The following WNT8B variants were observed in gnomAD, a reference collection of about 807,000 sequenced individuals.
WNT8B encodes the protein protein Wnt-8b.
In WNT8B, 24 loss-of-function variants were observed where a neutral mutation model predicts 36.6. The observed-to-expected ratio is 0.66, with a 90% CI of 0.48 to 0.92. The LOEUF is 0.92. WNT8B is among the 40% of genes least tolerant of loss of function. WNT8B has a pLI of 0.00. For synonymous variants in WNT8B, 199 were observed against 189.8 expected (o/e 1.05, Z -0.40); for missense variants, 402 against 470.8 (o/e 0.85, Z 1.35).
intron 1 of WNT8B, among the ~76,000 whole-genome samples, chr10:100,474,387 G>T (rs1281996291): frequency 6.6e-6 from 1 of 152,098 alleles, no homozygotes; most frequent in Non-Finnish European, 1.5e-5. Context: ...TCACATAACT[G>T]CCACATAGAG....
chr10:100,482,272 C>A lies in WNT8B; in HGVS notation c.512C>A (p.Ala171Glu), dbSNP rs1851123381. The A allele has an allele frequency of 6.3e-7, 1 of 1,580,930 alleles. No individual in the cohort carries two copies. The highest frequency in any genetic ancestry group is 8.6e-7 in the Non-Finnish European group (1 of 1,168,154). The change falls in exon 6 of 6, where the codon GCG becomes GAG. Residue 171 changes from alanine (A) to glutamate (E), a missense_variant and splice_region_variant. This residue lies in a region of WNT8B where 256 missense variants were observed against 278.6 expected (regional missense o/e 0.92). Coordinates refer to ENST00000343737, the MANE Select transcript of WNT8B (RefSeq NM_003393.4). The surrounding 1 kb of genome is among the most constrained non-coding windows in gnomAD (Gnocchi z 6.6). ...NLHNNEAGRKAVKGTMKRTCK... is the reference protein window; with the variant it reads ...NLHNNEAGRKEVKGTMKRTCK... Reference sequence around the variant, plus strand: ...TCTCACTCCTAGCTCTCTCCCCAGGCGGTGAAGGGCACCATGAAACGCACG... The same window carrying A: ...TCTCACTCCTAGCTCTCTCCCCAGGAGGTGAAGGGCACCATGAAACGCACG...
At chr10:100,473,640 T>C (rs1851002910) in intron 1 of WNT8B, among the ~76,000 whole-genome samples, 1 of 152,144 alleles carries the variant, frequency 6.6e-6, no homozygotes. Flanking sequence ...AAATATTCTA[T>C]TATGGGTTGG....
At chr10:100,478,203 A>G (rs778336725) in intron 1 of WNT8B, among the ~76,000 whole-genome samples, 11 of 152,224 alleles carry the variant, frequency 7.2e-5, no homozygotes, top group Non-Finnish European at 1.2e-4. Context: ...CCTCTTCCTA[A>G]TTAGAGAAGT....
At chr10:100,478,789 G>A (rs771320649) in intron 1 of WNT8B, among the ~76,000 whole-genome samples, 1 of 151,922 alleles carries the variant, frequency 6.6e-6, no homozygotes, top group African/African-American at 2.4e-5. Context: ...ACTATGTTTG[G>A]CCATGCTGGT....
intron 1 of WNT8B, among the ~76,000 whole-genome samples, chr10:100,471,124 C>G (rs1459678408): frequency 6.6e-6 from 1 of 152,216 alleles, no homozygotes; most frequent in Non-Finnish European, 1.5e-5. Context: ...GCTGTATAGG[C>G]TGGTAGCCTA....
At chr10:100,471,890 A>G (rs1260798746) in intron 1 of WNT8B, among the ~76,000 whole-genome samples, 1 of 152,138 alleles carries the variant, frequency 6.6e-6, no homozygotes, top group Non-Finnish European at 1.5e-5. Flanking sequence ...CCCTGTCTCT[A>G]CAAAAAATAC....
rs759086301 is a variant in WNT8B, at chr10:100,463,192, G to A, written c.24G>A (p.Val8=). 2 of 1,613,918 alleles carry A rather than the reference G, an allele frequency of 1.2e-6. No homozygotes were observed. Among genetic ancestry groups the A allele is most frequent in the South Asian group, 1.1e-5 (1 of 91,060 alleles). Residue 8 remains valine, a synonymous_variant, in exon 1 of 6, where the codon GTG becomes GTA. Transcript: ENST00000343737. The part of the protein sequence containing the change: MFLSKPS[V]YICLFTCVLQ... The stretch of plus-strand genomic sequence containing the variant: ...TTATGTTTCTTTCAAAGCCTTCTGT[G>A]TACATCTGTCTTTTCACCTGTGTCC...
At chr10:100,481,871 C>T in intron 4 of WNT8B, 41 bp from the exon 5 acceptor site, 1 of 1,611,726 alleles carries the variant, frequency 6.2e-7, no homozygotes, top group Non-Finnish European at 8.5e-7. Context: ...GGCTCTGCGC[C>T]CGCTTGCTCA....
chr10:100,481,456 T>C (rs4919466), intron 4 of WNT8B, among the ~76,000 whole-genome samples: 37,154 of 152,138 alleles, frequency 0.24, 4,761 homozygotes, highest in African/African-American at 0.32. Context: ...CCTCCAGTGC[T>C]GTCTCCAATC....
intron 2 of WNT8B, 110 bp downstream of exon 2, chr10:100,479,195 A>G: frequency 9.3e-7 from 1 of 1,079,936 alleles, no homozygotes; most frequent in Non-Finnish European, 1.3e-6. Flanking sequence ...TATGCTGTAT[A>G]CATTACAGAT....
At chr10:100,481,195 TGAA>T in intron 4 of WNT8B, 72 bp downstream of exon 4, 1 of 1,577,064 alleles carries the variant, frequency 6.3e-7, no homozygotes, top group South Asian at 1.2e-5. Context: ...CTGGTGGGGG[TGAA>T]GAAGAGCTGT....
At chr10:100,478,719 C>T (rs773886318) in intron 1 of WNT8B, among the ~76,000 whole-genome samples, 1 of 151,920 alleles carries the variant, frequency 6.6e-6, no homozygotes, top group Non-Finnish European at 1.5e-5. Flanking sequence ...GTAGCTGGGA[C>T]TACAGGCGCC....
chr10:100,482,374 G>C lies in WNT8B; in HGVS notation c.614G>C (p.Gly205Ala). ...CAGCTGCCCGAGTTCCGCGAGGTGG[G>C]CGCGCACCTGAAGGAGAAGTACCAC... ...WLQLPEFREV[G>A]AHLKEKYHAA... Residue 205 changes from glycine (G) to alanine (A), a missense_variant, in exon 6 of 6, where the codon GGC becomes GCC. Transcript: ENST00000343737. The surrounding 1 kb of genome is among the most constrained non-coding windows in gnomAD (Gnocchi z 6.6). 8 of 1,606,186 alleles carry C rather than the reference G, an allele frequency of 5.0e-6. No homozygotes were observed. The highest frequency in any genetic ancestry group is 6.8e-6 in the Non-Finnish European group (8 of 1,179,960).
chr10:100,466,932 A>C (rs1589722322), intron 1 of WNT8B, among the ~76,000 whole-genome samples: 1 of 152,200 alleles, frequency 6.6e-6, no homozygotes, highest in East Asian at 1.9e-4. Context: ...GAATGAGGTC[A>C]ATATAATTTT....
At position 100,480,990 on chromosome 10, in the gene WNT8B, C is replaced by T; in HGVS notation, c.242-8C>T. ...TCCCTCTAACTCTGGATTTTTGGTT[C>T]CTGCTAGCCAATCGGGAGACAGCAT... On this transcript the variant is annotated splice_region_variant and splice_polypyrimidine_tract_variant and intron_variant, in intron 3 of 5. Coordinates refer to ENST00000343737, the MANE Select transcript of WNT8B (RefSeq NM_003393.4). 1.9e-6 allele frequency: 3 copies of T among 1,612,048 alleles called. No homozygotes were observed. Among genetic ancestry groups the T allele is most frequent in the Non-Finnish European group, 2.5e-6 (3 of 1,178,846 alleles).
At chr10:100,478,711 A>G (rs1320809288) in intron 1 of WNT8B, among the ~76,000 whole-genome samples, 1 of 151,912 alleles carries the variant, frequency 6.6e-6, no homozygotes, top group Non-Finnish European at 1.5e-5. Context: ...CCTCCTGAGT[A>G]GCTGGGACTA....
At chr10:100,466,988 T>C (rs1850913826) in intron 1 of WNT8B, among the ~76,000 whole-genome samples, 2 of 150,432 alleles carry the variant, frequency 1.3e-5, no homozygotes, top group South Asian at 4.2e-4. Context: ...TTTTTTTTTC[T>C]TACTCAGTAA....
At chr10:100,471,053 T>C (rs1311843525) in intron 1 of WNT8B, among the ~76,000 whole-genome samples, 1 of 152,236 alleles carries the variant, frequency 6.6e-6, no homozygotes, top group Non-Finnish European at 1.5e-5. Context: ...TATGTTTTGT[T>C]TAGATACACA....
chr10:100,466,918 T>C (rs999448586), intron 1 of WNT8B, among the ~76,000 whole-genome samples: 2 of 152,116 alleles, frequency 1.3e-5, no homozygotes, highest in Non-Finnish European at 1.5e-5. Flanking sequence ...TCATATGGCT[T>C]AGAGAATGAG....
Sources: gnomAD v4.1 joint callset for allele counts (sites outside exome capture counted in the v4.1 genomes callset) on GRCh38, gnomAD v4.1.1 for gene constraint, gnomAD v4.1.1 regional missense constraint, Gnocchi (gnomAD v3.1) non-coding constraint, MANE v1.5 for transcripts, NCBI Gene and HGNC (gene_info 2026-07-23, HGNC 2026-07-21) for gene names.